Variants in VWC2 observed in about 807,000 individuals in gnomAD.
VWC2 encodes the protein von Willebrand factor C domain containing 2.
Under a neutral mutation model 29.8 loss-of-function variants are expected in VWC2, and 14 were observed. That is an observed-to-expected ratio of 0.47 (90% CI 0.31 to 0.74). VWC2 has a LOEUF of 0.74. VWC2 is among the 30% of genes least tolerant of loss of function. The pLI, the probability that VWC2 is intolerant of heterozygous loss-of-function variation, is 0.05. For missense variants in VWC2, 457 were observed against 459.8 expected, an observed-to-expected ratio of 0.99 and a Z score of 0.05; for synonymous variants, 213 against 199.0, an observed-to-expected ratio of 1.07 and a Z score of -0.59.
chr7:49,823,385 A>G (rs1286955660), intron 3 of VWC2, among the ~76,000 whole-genome samples: 1 of 152,224 alleles, frequency 6.6e-6, no homozygotes, highest in African/African-American at 2.4e-5. Context: ...TGACTCTAAG[A>G]GAGTCTAGAT....
chr7:49,888,068 T>A (rs1022847730), intron 3 of VWC2, among the ~76,000 whole-genome samples: 27 of 152,358 alleles, frequency 1.8e-4, no homozygotes, highest in African/African-American at 6.0e-4. Context: ...ATCATGTACA[T>A]CTCTGTCCAA....
chr7:49,872,916 A>G (rs372638784), intron 3 of VWC2, among the ~76,000 whole-genome samples: 3 of 30,696 alleles, frequency 9.8e-5, no homozygotes, highest in African/African-American at 3.1e-4. Context: ...ACTTTGTCTC[A>G]AAAAAAAAAA....
At chr7:49,908,624 C>G (rs565158763) in intron 3 of VWC2, among the ~76,000 whole-genome samples, 15 of 151,928 alleles carry the variant, frequency 9.9e-5, no homozygotes, top group African/African-American at 2.4e-4. Context: ...AGGGCCACCC[C>G]AGTCAGTATA....
chr7:49,881,909 T>A (rs1396069679), intron 3 of VWC2, among the ~76,000 whole-genome samples: 1 of 152,096 alleles, frequency 6.6e-6, no homozygotes, highest in Non-Finnish European at 1.5e-5. Flanking sequence ...GTATACTCAA[T>A]TTCCAATTAA....
intron 2 of VWC2, among the ~76,000 whole-genome samples, chr7:49,800,259 C>T (rs758150900): frequency 5.9e-5 from 9 of 152,162 alleles, no homozygotes; most frequent in East Asian, 3.9e-4. Context: ...AGCTGCTGGA[C>T]GAGGCTGATT....
intron 3 of VWC2, among the ~76,000 whole-genome samples, chr7:49,878,098 C>T (rs1279143752): frequency 6.6e-6 from 1 of 152,074 alleles, no homozygotes; most frequent in African/African-American, 2.4e-5. Flanking sequence ...AGTCTGTCCC[C>T]TTGACGTAAA....
At chr7:49,876,112 G>T (rs192438141) in intron 3 of VWC2, among the ~76,000 whole-genome samples, 1 of 152,122 alleles carries the variant, frequency 6.6e-6, no homozygotes, top group Admixed American at 6.6e-5. Context: ...TAATCCTAAA[G>T]AAAGGATCCA....
chr7:49,853,471 C>G (rs959014595), intron 3 of VWC2, among the ~76,000 whole-genome samples: 1 of 152,174 alleles, frequency 6.6e-6, no homozygotes, highest in Non-Finnish European at 1.5e-5. Flanking sequence ...AACCCCATCT[C>G]TGCCCTCCAG....
At chr7:49,789,299 G>A (rs1446130689) in intron 2 of VWC2, among the ~76,000 whole-genome samples, 3 of 138,984 alleles carry the variant, frequency 2.2e-5, no homozygotes, top group South Asian at 4.9e-4. Flanking sequence ...GAGTGTGAGC[G>A]GGTGTGTGAG....
At chr7:49,775,250 A>C (rs1473355185) in intron 1 of VWC2, 83 bp from the exon 2 acceptor site, 3 of 294,936 alleles carry the variant, frequency 1.0e-5, no homozygotes, top group Admixed American at 5.2e-5. Flanking sequence ...ATCTAGAGCT[A>C]TGCCGGAGCC....
At chr7:49,814,911 A>G (rs1489264738) in intron 3 of VWC2, among the ~76,000 whole-genome samples, 4 of 152,136 alleles carry the variant, frequency 2.6e-5, no homozygotes, top group African/African-American at 9.7e-5. Context: ...GTTGCTTCCT[A>G]ATGGAGGTTG....
intron 3 of VWC2, among the ~76,000 whole-genome samples, chr7:49,805,351 A>G (rs1386362082): frequency 6.6e-6 from 1 of 152,246 alleles, no homozygotes; most frequent in Non-Finnish European, 1.5e-5. Context: ...CTAGATTTAT[A>G]TTACAGAAAG....
chr7:49,832,968 A>C (rs1440708540), intron 3 of VWC2, among the ~76,000 whole-genome samples: 2 of 152,246 alleles, frequency 1.3e-5, no homozygotes. Context: ...GTACACTTCC[A>C]GAATTGCAGC....
At chr7:49,904,934 C>A (rs1793005573) in intron 3 of VWC2, among the ~76,000 whole-genome samples, 1 of 151,926 alleles carries the variant, frequency 6.6e-6, no homozygotes, top group Non-Finnish European at 1.5e-5. Context: ...TGGGGTTTCA[C>A]CATCTTGGCC....
chr7:49,787,645 T>C (rs1379596372), intron 2 of VWC2, among the ~76,000 whole-genome samples: 1 of 152,226 alleles, frequency 6.6e-6, no homozygotes, highest in Non-Finnish European at 1.5e-5. Flanking sequence ...CTCCACTCGC[T>C]GTGCTTTTGC....
chr7:49,888,399 A>G (rs1791987816), intron 3 of VWC2, among the ~76,000 whole-genome samples: 1 of 152,232 alleles, frequency 6.6e-6, no homozygotes, highest in Admixed American at 6.5e-5. Flanking sequence ...TAGGTATGGT[A>G]TAGAGCTACA....
chr7:49,820,223 C>A (rs1789235962), intron 3 of VWC2, among the ~76,000 whole-genome samples: 1 of 152,106 alleles, frequency 6.6e-6, no homozygotes, highest in Non-Finnish European at 1.5e-5. Flanking sequence ...CGCTCTGTAG[C>A]TCTGAGCCCA....
chr7:49,778,693 G>C (rs1016144957), intron 2 of VWC2, among the ~76,000 whole-genome samples: 17 of 152,212 alleles, frequency 1.1e-4, no homozygotes, highest in Admixed American at 8.5e-4. Context: ...GTGAGTCCAC[G>C]GGCTTTGTGG....
chr7:49,830,175 A>G (rs17551064), intron 3 of VWC2, among the ~76,000 whole-genome samples: 17,378 of 152,110 alleles, frequency 0.11, 1,242 homozygotes, highest in Non-Finnish European at 0.17. Flanking sequence ...CTTCCTTTTC[A>G]AAGTCTCCAG....
Sources: gnomAD v4.1 joint callset for allele counts (sites outside exome capture counted in the v4.1 genomes callset) on GRCh38, gnomAD v4.1.1 for gene constraint, MANE v1.5 for transcripts, NCBI Gene and HGNC (gene_info 2026-07-23, HGNC 2026-07-21) for gene names.